CFAP92: variants seen among roughly 807,000 people sequenced by gnomAD.
CFAP92 encodes the protein uncharacterized protein CFAP92.
Under a neutral mutation model 106.3 loss-of-function variants are expected in CFAP92, and 86 were observed. That is an observed-to-expected ratio of 0.81 (90% CI 0.68 to 0.97). The LOEUF is 0.97. CFAP92 is among the 50% of genes least tolerant of loss of function. The probability of loss-of-function intolerance (pLI) is 0.00; values close to 1 mark genes in which losing one functional copy is unlikely to be tolerated. For synonymous variants in CFAP92, 477 were observed against 506.4 expected (o/e 0.94, Z 0.78); for missense variants, 1,204 against 1,283.8 (o/e 0.94, Z 0.95).
intron 1 of CFAP92, among the ~76,000 whole-genome samples, chr3:128,999,911 G>T (rs1944645449): frequency 6.6e-6 from 1 of 152,214 alleles, no homozygotes; most frequent in African/African-American, 2.4e-5. Context: ...TCTGCAGAAA[G>T]AACCACTGAA....
At chr3:128,996,424 A>AG (rs1212357913), upstream of CFAP92, among the ~76,000 whole-genome samples, 1 of 152,212 alleles carries the variant, frequency 6.6e-6, no homozygotes, top group African/African-American at 2.4e-5. Flanking sequence ...TTGCACAACC[A>AG]GAATATGGAA....
At chr3:129,000,861 G>C (rs1180592380) in intron 1 of CFAP92, among the ~76,000 whole-genome samples, 1 of 152,144 alleles carries the variant, frequency 6.6e-6, no homozygotes, top group East Asian at 1.9e-4. Flanking sequence ...GTTAGCACAG[G>C]GCTCGTCTCA....
chr3:129,013,605 T>TCCCCCC, the CFAP92 span, among the ~76,000 whole-genome samples: 2 of 152,178 alleles, frequency 1.3e-5, no homozygotes, highest in Non-Finnish European at 2.9e-5. Flanking sequence ...ACTTTCTCTT[T>TCCCCCC]CCCAGTAGTT....
chr3:128,965,721 A>C (rs560123821), intron 8 of CFAP92, 26 bp from the exon 9 acceptor site: 228 of 398,556 alleles, frequency 5.7e-4, no homozygotes, highest in Middle Eastern at 6.3e-4. Flanking sequence ...CCAGCATTAG[A>C]CCTTTCCTCC....
chr3:128,983,967 A>AG (rs1224902629), intron 4 of CFAP92, among the ~76,000 whole-genome samples: 1 of 152,182 alleles, frequency 6.6e-6, no homozygotes, highest in African/African-American at 2.4e-5. Context: ...AGGAGAGAGG[A>AG]GGGGGAACAA....
chr3:128,926,170 A>G (rs558465625), intron 12 of CFAP92, among the ~76,000 whole-genome samples: 60 of 152,366 alleles, frequency 3.9e-4, no homozygotes, highest in African/African-American at 1.3e-3. Context: ...CAAATAGCCA[A>G]TCGTGAAAAG....
intron 11 of CFAP92, 84 bp downstream of exon 11, chr3:128,935,041 C>T: frequency 8.7e-7 from 1 of 1,149,496 alleles, no homozygotes; most frequent in Non-Finnish European, 1.2e-6. Flanking sequence ...GTTGGATGCC[C>T]CAGCTTGCCT....
At chr3:128,935,666 C>T (rs1176987199) in intron 10 of CFAP92, among the ~76,000 whole-genome samples, 1 of 151,992 alleles carries the variant, frequency 6.6e-6, no homozygotes, top group Non-Finnish European at 1.5e-5. Context: ...GAGCCAAGAT[C>T]GCGACATTGC....
At chr3:129,002,391 C>A in intron 1 of CFAP92, 1 of 1,470,322 alleles carries the variant, frequency 6.8e-7, no homozygotes, top group South Asian at 1.3e-5. Flanking sequence ...AGCTGGCTGG[C>A]TGCGGAGCCC....
chr3:128,990,833 G>A (rs1944167880), intron 2 of CFAP92, among the ~76,000 whole-genome samples: 1 of 152,154 alleles, frequency 6.6e-6, no homozygotes, highest in Non-Finnish European at 1.5e-5. Flanking sequence ...GGAGGTGGAG[G>A]TTGCAGTGAG....
chr3:128,915,285 G>C lies in CFAP92; in HGVS notation c.3124-10C>G. On this transcript the variant is annotated splice_polypyrimidine_tract_variant and intron_variant, in intron 14 of 15. Transcript: ENST00000645291. ...AGTTTTCCTTCCACTCCTAAATTGG[G>C]GGAGTAAGTAAATCAGGAGGAGAAA... The C allele has an allele frequency of 6.5e-7, 1 of 1,536,056 alleles. No individual in the cohort carries two copies. Among genetic ancestry groups the C allele is most frequent in the Non-Finnish European group, 8.7e-7 (1 of 1,146,838 alleles).
At chr3:128,999,528 G>GTTTTTT (rs1944612463) in intron 1 of CFAP92, among the ~76,000 whole-genome samples, 1 of 138,690 alleles carries the variant, frequency 7.2e-6, no homozygotes, top group African/African-American at 2.9e-5. Flanking sequence ...ATAAAATCAG[G>GTTTTTT]TTCTTTTTTT....
chr3:129,001,950 G>A (rs1364998270), intron 1 of CFAP92: 2 of 1,543,864 alleles, frequency 1.3e-6, no homozygotes, highest in Non-Finnish European at 1.7e-6. Context: ...CTCCAGAGAT[G>A]TGACCCCCGG....
intron 2 of CFAP92, 67 bp downstream of exon 2, chr3:128,992,976 A>G: frequency 1.9e-6 from 3 of 1,584,954 alleles, no homozygotes; most frequent in Admixed American, 1.7e-5. Context: ...TATGCGCCCT[A>G]AACTCCTGCA....
chr3:128,966,816 C>G (rs113801837), intron 8 of CFAP92: 2 of 152,248 alleles, frequency 1.3e-5, no homozygotes, highest in South Asian at 4.1e-4. Flanking sequence ...GTGATCCACC[C>G]GCCTCGGCCT....
chr3:128,913,879 C>T lies in CFAP92; in HGVS notation c.3280+1240G>A, dbSNP rs56722247. ...CAGAAGGCTGCTTAGAGTTTCTTTG[C>T]ACAGGAGAAGTTTGGGGAGGGGCTG... On this transcript the variant is annotated intron_variant, in intron 15 of 15. Transcript: ENST00000645291. Among the ~76,000 whole-genome samples, 1,325 of 152,220 alleles carry T rather than the reference C, an allele frequency of 8.7e-3. 18 individuals are homozygous for T. Among genetic ancestry groups the T allele is most frequent in the African/African-American group, 0.028 (1,168 of 41,530 alleles).
At chr3:128,943,169 C>T (rs961890857) in intron 10 of CFAP92, among the ~76,000 whole-genome samples, 2 of 152,164 alleles carry the variant, frequency 1.3e-5, no homozygotes, top group African/African-American at 4.8e-5. Context: ...CTGCCTGCCT[C>T]ATCCTCCCAA....
intron 7 of CFAP92, 33 bp downstream of exon 7, chr3:128,975,741 GTTATA>G (rs2107789698): frequency 6.9e-7 from 1 of 1,442,894 alleles, no homozygotes. Context: ...TCCAAGTCTA[GTTATA>G]TTATAAAATT....
At chr3:128,975,993 G>A (rs1943132833) in intron 6 of CFAP92, 90 bp from the exon 7 acceptor site, 1 of 1,362,608 alleles carries the variant, frequency 7.3e-7, no homozygotes, top group South Asian at 1.5e-5. Flanking sequence ...CTAAATGAGA[G>A]CAGATTTTTT....
Sources: gnomAD v4.1 joint callset for allele counts (sites outside exome capture counted in the v4.1 genomes callset) on GRCh38, gnomAD v4.1.1 for gene constraint, MANE v1.5 for transcripts, NCBI Gene and HGNC (gene_info 2026-07-23, HGNC 2026-07-21) for gene names.